The following CSMD1 variants were observed in gnomAD, a reference collection of about 807,000 sequenced individuals.
CSMD1 encodes CUB and Sushi multiple domains 1.
CSMD1 carries 213 observed loss-of-function variants against 417.5 expected under a neutral mutation model. The observed-to-expected ratio is 0.51, with a 90% CI of 0.46 to 0.57. The LOEUF (loss-of-function observed/expected upper bound fraction) is 0.57, where lower values mean the gene tolerates loss of function less well. Ranked by LOEUF, CSMD1 falls within the 20% of genes least tolerant of loss-of-function variation. CSMD1 has a pLI of 0.00. For missense variants in CSMD1, 6,923 were observed against 4,529.7 expected (o/e 1.53, Z -15.17); for synonymous variants, 2,862 against 1,736.8 (o/e 1.65, Z -16.11).
At chr8:3,312,068 T>C (rs1341170878) in intron 23 of CSMD1, among the ~76,000 whole-genome samples, 2 of 152,180 alleles carry the variant, frequency 1.3e-5, no homozygotes, top group Non-Finnish European at 2.9e-5. Flanking sequence ...CATTAAAGCT[T>C]TGTTTTGTAA....
chr8:4,094,550 C>G (rs934426315), intron 3 of CSMD1, among the ~76,000 whole-genome samples: 1 of 152,160 alleles, frequency 6.6e-6, no homozygotes, highest in Non-Finnish European at 1.5e-5. Flanking sequence ...GTGGGAGATT[C>G]TTGTAGACGC....
chr8:2,946,506 T>C (rs540307172), intron 68 of CSMD1, among the ~76,000 whole-genome samples: 1 of 152,344 alleles, frequency 6.6e-6, no homozygotes, highest in African/African-American at 2.4e-5. Flanking sequence ...CCTTTTTTTA[T>C]CTGGCTTCCT....
chr8:4,270,533 C>A (rs1164970240), intron 3 of CSMD1, among the ~76,000 whole-genome samples: 1 of 152,132 alleles, frequency 6.6e-6, no homozygotes, highest in African/African-American at 2.4e-5. Flanking sequence ...TGATATCCAG[C>A]TGTGACTAGT....
chr8:4,339,920 G>C (rs531953180), intron 3 of CSMD1, among the ~76,000 whole-genome samples: 1 of 152,082 alleles, frequency 6.6e-6, no homozygotes, highest in Admixed American at 6.6e-5. Context: ...GGCTCCTAAG[G>C]GGCCTGAGGC....
At chr8:4,351,640 G>T (rs1009085510) in intron 3 of CSMD1, among the ~76,000 whole-genome samples, 3 of 152,198 alleles carry the variant, frequency 2.0e-5, no homozygotes, top group African/African-American at 4.8e-5. Flanking sequence ...GATGAGGGAG[G>T]TTTATAGGAA....
chr8:3,517,441 G>A (rs546244822), intron 10 of CSMD1, among the ~76,000 whole-genome samples: 2 of 152,278 alleles, frequency 1.3e-5, no homozygotes, highest in African/African-American at 4.8e-5. Context: ...TCCAACCTAT[G>A]CATTGATTTC....
At chr8:4,292,598 G>A (rs931109845) in intron 3 of CSMD1, among the ~76,000 whole-genome samples, 2 of 152,064 alleles carry the variant, frequency 1.3e-5, no homozygotes, top group Admixed American at 1.3e-4. Context: ...CCCACTATAA[G>A]ATTAATACAT....
intron 3 of CSMD1, among the ~76,000 whole-genome samples, chr8:4,293,833 C>G (rs1046643669): frequency 6.6e-6 from 1 of 152,186 alleles, no homozygotes; most frequent in African/African-American, 2.4e-5. Flanking sequence ...TTTTAACATT[C>G]AGTGTCCAAA....
intron 2 of CSMD1, among the ~76,000 whole-genome samples, chr8:4,545,124 G>C (rs1585230420): frequency 6.6e-6 from 1 of 152,176 alleles, no homozygotes; most frequent in Non-Finnish European, 1.5e-5. Flanking sequence ...AACTTGGAAA[G>C]AGCACAGGTT....
intron 41 of CSMD1, among the ~76,000 whole-genome samples, chr8:3,141,943 G>A (rs1287818924): frequency 6.6e-6 from 1 of 151,266 alleles, no homozygotes. Flanking sequence ...GACTACAGGC[G>A]CCCGCCACTA....
At chr8:3,276,283 A>G (rs982220647) in intron 26 of CSMD1, among the ~76,000 whole-genome samples, 2 of 152,152 alleles carry the variant, frequency 1.3e-5, no homozygotes, top group African/African-American at 2.4e-5. Context: ...TCCTGTTGTC[A>G]GATCTCCAGC....
In CSMD1 at chr8:3,227,610, G is replaced by C. The variant is rs556234165; in HGVS notation, c.4345+2430C>G. Reference sequence around the variant, plus strand: ...TAGATTCAAACAAATAGATACTAGAGAGTGGCATCAGTGGTGTAGTTGTGC... The same window carrying C: ...TAGATTCAAACAAATAGATACTAGACAGTGGCATCAGTGGTGTAGTTGTGC... On this transcript the variant is annotated intron_variant, in intron 27 of 69. Coordinates refer to ENST00000635120, the MANE Select transcript of CSMD1 (RefSeq NM_033225.6). Among the ~76,000 whole-genome samples the C allele has an allele frequency of 5.3e-5, 8 of 152,222 alleles. No homozygotes were observed. The South Asian group carries it at 6.2e-4, about 12-fold the overall frequency.
intron 1 of CSMD1, among the ~76,000 whole-genome samples, chr8:4,927,021 T>G (rs571384847): frequency 4.6e-5 from 7 of 151,984 alleles, no homozygotes; most frequent in African/African-American, 1.7e-4. Context: ...ACATCCCGTA[T>G]CTAAAAGACA....
Position 4,098,144 on chromosome 8 carries a change from C to T in CSMD1, c.416-66045G>A, listed in dbSNP as rs1321606231. On this transcript the variant is annotated intron_variant, in intron 3 of 69. Coordinates refer to ENST00000635120, the MANE Select transcript of CSMD1 (RefSeq NM_033225.6). ...TCACTCATCAGATTTCATATAAAAC[C>T]CTTGTAAATTAGAATAACATGTTTT... Among the ~76,000 whole-genome samples the T allele has an allele frequency of 3.9e-5, 6 of 152,130 alleles. No homozygotes were observed. The East Asian group carries it at 7.7e-4, about 20-fold the overall frequency.
At chr8:3,381,550 T>C (rs1005522545) in intron 18 of CSMD1, among the ~76,000 whole-genome samples, 1 of 152,176 alleles carries the variant, frequency 6.6e-6, no homozygotes, top group African/African-American at 2.4e-5. Flanking sequence ...TTGCAAATAT[T>C]TTTAATATAG....
Position 3,607,055 on chromosome 8 carries a change from C to T in CSMD1, c.1097+9655G>A, listed in dbSNP as rs149565055. Among the ~76,000 whole-genome samples the T allele has an allele frequency of 5.5e-4, 83 of 152,256 alleles. 1 individual carries two copies. Among genetic ancestry groups the T allele is most frequent in the Admixed American group, 4.9e-3 (75 of 15,278 alleles). ...CTTGTGAGTTTTTTGCAATAATACT[C>T]AGTTTAAGACACAAACACATAGTAC... On this transcript the variant is annotated intron_variant, in intron 8 of 69. Coordinates refer to ENST00000635120, the MANE Select transcript of CSMD1 (RefSeq NM_033225.6).
At chr8:3,038,774 T>A (rs1471085405) in intron 50 of CSMD1, among the ~76,000 whole-genome samples, 2 of 152,124 alleles carry the variant, frequency 1.3e-5, no homozygotes, top group Admixed American at 1.3e-4. Context: ...TAAGAATATA[T>A]CCACATACTC....
chr8:2,942,125 A>T (rs1801914540), intron 69 of CSMD1, among the ~76,000 whole-genome samples: 1 of 152,056 alleles, frequency 6.6e-6, no homozygotes, highest in African/African-American at 2.4e-5. Flanking sequence ...GAGCTGAACG[A>T]TGAGAACACA....
intron 3 of CSMD1, among the ~76,000 whole-genome samples, chr8:4,169,082 C>T (rs955417035): frequency 3.9e-5 from 6 of 152,186 alleles, no homozygotes; most frequent in Admixed American, 3.9e-4. Context: ...TACCTGTAAG[C>T]CTGCTGGCTT....
Sources: gnomAD v4.1 joint callset for allele counts (sites outside exome capture counted in the v4.1 genomes callset) on GRCh38, gnomAD v4.1.1 for gene constraint, MANE v1.5 for transcripts, NCBI Gene and HGNC (gene_info 2026-07-23, HGNC 2026-07-21) for gene names.